MAB21L3: variants seen among roughly 807,000 people sequenced by gnomAD.
MAB21L3 encodes the protein mab-21 like 3, also known as protein mab-21-like 3.
MAB21L3 carries 36 observed loss-of-function variants against 37.7 expected under a neutral mutation model. That is an observed-to-expected ratio of 0.96 (90% CI 0.73 to 1.26). The LOEUF is 1.26. Among genes scored for constraint, MAB21L3 ranks in the 50% most tolerant of loss-of-function variants. The probability of loss-of-function intolerance (pLI) is 0.00; values close to 1 mark genes in which losing one functional copy is unlikely to be tolerated. For synonymous variants in MAB21L3, 186 were observed against 176.8 expected (o/e 1.05, Z -0.41); for missense variants, 430 against 447.3 (o/e 0.96, Z 0.35).
At chr1:116,117,048 A>G (rs1406779454) in intron 3 of MAB21L3, among the ~76,000 whole-genome samples, 1 of 151,790 alleles carries the variant, frequency 6.6e-6, no homozygotes, top group Non-Finnish European at 1.5e-5. Context: ...GCATACATAC[A>G]CACATGTACA....
chr1:116,112,562 GA>G lies in MAB21L3; in HGVS notation c.-41del, dbSNP rs374210490. 0.027 allele frequency: 32,877 copies of G among 1,237,806 alleles called. No homozygotes were observed. Among genetic ancestry groups the G allele is most frequent in the East Asian group, 0.03 (1,077 of 35,848 alleles). The allele number at this position is 1,237,806 out of a possible 1,614,324, so 76.7% of individuals were successfully genotyped here. The stretch of plus-strand genomic sequence containing the variant: ...ACTCACAAGTGTTGCACTCCATTGA[GA>G]AAAAAAAAAAAACCAGGAAGTTGCT... On this transcript the variant is annotated 5_prime_UTR_variant, in exon 3 of 8. Transcript: ENST00000369500.
At position 116,124,115 on chromosome 1, in the gene MAB21L3, C is replaced by G; in HGVS notation, c.239C>G (p.Ala80Gly). 6.2e-7 allele frequency: 1 copy of G among 1,613,534 alleles called. No individual in the cohort carries two copies. The highest frequency in any genetic ancestry group is 2.2e-5 in the East Asian group (1 of 44,858). Residue 80 changes from alanine to glycine, a missense_variant, in exon 5 of 8, where the codon GCC (alanine) becomes GGC (glycine). Coordinates refer to ENST00000369500, the MANE Select transcript of MAB21L3 (RefSeq NM_152367.3). ...GTCACAGTCCCAATAAAAGGCCTGG[C>G]CGGGTACAGGGAGGCCAGGGAGCAG... ...FLVTVPIKGL[A>G]GYREAREQHW...
rs199967538 is a variant in MAB21L3 at position 116,127,662 on chromosome 1, C to T, written c.660+18C>T. The T allele has an allele frequency of 3.4e-4, 536 of 1,598,906 alleles. No individual in the cohort carries two copies. Among genetic ancestry groups the T allele is most frequent in the Middle Eastern group, 6.1e-4 (3 of 4,924 alleles). On this transcript the variant is annotated intron_variant, in intron 6 of 7. Transcript: ENST00000369500. ...GCATCAAGGTATCAGTGGGCGGGAC[C>T]CAGCTTGCCAGAGCAGTGATGCCAA... is the stretch of plus-strand genomic sequence containing the variant.
rs1415008816 is a variant in MAB21L3, at chr1:116,124,208, A to C, written c.332A>C (p.Gln111Pro). The change falls in exon 5 of 8, where the codon CAG (glutamine) becomes CCG (proline). Residue 111 changes from glutamine to proline, a missense_variant. Physicochemically the swap from Gln to Pro is moderately conservative, Grantham distance 76 (BLOSUM62 -1). Coordinates refer to ENST00000369500, the MANE Select transcript of MAB21L3 (RefSeq NM_152367.3). Reference sequence around the variant, plus strand: ...CCGTTGCGGGACCCTGAGGGTCTGCAGCAGTGGCTGGAGGTGGAACAGTTT... The same window carrying C: ...CCGTTGCGGGACCCTGAGGGTCTGCCGCAGTGGCTGGAGGTGGAACAGTTT... The part of the protein sequence containing the change: ...PCPLRDPEGL[Q>P]QWLEVEQFMK... The C allele has an allele frequency of 6.2e-7, 1 of 1,614,140 alleles. No homozygotes were observed. Among genetic ancestry groups the C allele is most frequent in the Non-Finnish European group, 8.5e-7 (1 of 1,180,052 alleles).
At chr1:116,114,322 G>A (rs1209419757) in intron 3 of MAB21L3, among the ~76,000 whole-genome samples, 2 of 152,060 alleles carry the variant, frequency 1.3e-5, no homozygotes, top group Non-Finnish European at 2.9e-5. Flanking sequence ...TTTAGAGTTC[G>A]TTAAAGGCAA....
intron 6 of MAB21L3, 49 bp downstream of exon 6, chr1:116,127,693 T>C: frequency 7.1e-6 from 11 of 1,549,256 alleles, no homozygotes; most frequent in Non-Finnish European, 9.6e-6. Context: ...GCCAACAGCT[T>C]AACCAGTCAC....
chr1:116,129,546 G>A (rs1219202168), intron 7 of MAB21L3, among the ~76,000 whole-genome samples: 1 of 152,114 alleles, frequency 6.6e-6, no homozygotes, highest in East Asian at 1.9e-4. Flanking sequence ...TCTCTCATTC[G>A]ATGGACAAAA....
At chr1:116,129,794 C>T (rs1660018117) in intron 7 of MAB21L3, among the ~76,000 whole-genome samples, 1 of 152,118 alleles carries the variant, frequency 6.6e-6, no homozygotes, top group South Asian at 2.1e-4. Flanking sequence ...CTTTTTTTCG[C>T]ACAAAATCAC....
intron 6 of MAB21L3, among the ~76,000 whole-genome samples, chr1:116,127,856 C>G (rs1053621448): frequency 5.9e-5 from 9 of 152,224 alleles, no homozygotes; most frequent in African/African-American, 2.2e-4. Flanking sequence ...GAATGAGACC[C>G]TGTGAACAGG....
At chr1:116,120,792 G>T in intron 3 of MAB21L3, 140 bp from the exon 4 acceptor site, 7 of 1,002,708 alleles carry the variant, frequency 7.0e-6, no homozygotes, top group Non-Finnish European at 1.0e-5. Flanking sequence ...TCATCTCCCC[G>T]GCATCTTGGG....
At chr1:116,112,037 T>A (rs1230830519) in intron 2 of MAB21L3, among the ~76,000 whole-genome samples, 1 of 152,104 alleles carries the variant, frequency 6.6e-6, no homozygotes. Context: ...ATGATGGGTG[T>A]CAGGCTGGTT....
At chr1:116,114,540 C>T (rs1659516559) in intron 3 of MAB21L3, among the ~76,000 whole-genome samples, 1 of 152,204 alleles carries the variant, frequency 6.6e-6, no homozygotes, top group Non-Finnish European at 1.5e-5. Context: ...CGAACGTCCT[C>T]TGCCAAACTC....
At chr1:116,122,558 T>C (rs1190106603) in intron 4 of MAB21L3, among the ~76,000 whole-genome samples, 2 of 152,230 alleles carry the variant, frequency 1.3e-5, no homozygotes, top group African/African-American at 4.8e-5. Context: ...TTGTTTGTTT[T>C]GCTTTTTTGC....
intron 3 of MAB21L3, among the ~76,000 whole-genome samples, chr1:116,117,495 CTTT>C (rs946736415): frequency 6.6e-6 from 1 of 152,032 alleles, no homozygotes; most frequent in Non-Finnish European, 1.5e-5. Context: ...CCCTCTGTTG[CTTT>C]TTTATCTTTA....
intron 3 of MAB21L3, among the ~76,000 whole-genome samples, chr1:116,118,948 A>G (rs967081598): frequency 5.3e-5 from 8 of 152,206 alleles, no homozygotes; most frequent in African/African-American, 1.9e-4. Context: ...CAGTGATTTT[A>G]ATTTCCAGGT....
intron 3 of MAB21L3, among the ~76,000 whole-genome samples, chr1:116,119,025 A>C (rs574173007): frequency 9.8e-5 from 15 of 152,384 alleles, no homozygotes; most frequent in Non-Finnish European, 2.2e-4. Flanking sequence ...AGCACAGCAT[A>C]AAATGGATGT....
intron 3 of MAB21L3, among the ~76,000 whole-genome samples, chr1:116,117,470 A>C (rs988652902): frequency 2.0e-5 from 3 of 152,080 alleles, no homozygotes; most frequent in African/African-American, 7.2e-5. Context: ...TGGAAGATAT[A>C]GCCCACTGCT....
chr1:116,134,347 G>A lies in MAB21L3; in HGVS notation c.*982G>A, dbSNP rs1660158472. 1 of 152,222 alleles carries A rather than the reference G, an allele frequency of 6.6e-6. No individual in the cohort carries two copies. The highest frequency in any genetic ancestry group is 2.4e-5 in the African/African-American group (1 of 41,440). 9.4% of individuals were successfully genotyped at this position (152,222 alleles called of 1,614,324 possible). On this transcript the variant is annotated 3_prime_UTR_variant, in exon 8 of 8. Coordinates refer to ENST00000369500, the MANE Select transcript of MAB21L3 (RefSeq NM_152367.3). ...CACAGCAAAGAGCAAAGTGGATGAG[G>A]ACCTCCCCCTGGGGATGCCACCTAA...
chr1:116,112,524 G>A lies in MAB21L3; in HGVS notation c.-92G>A, dbSNP rs1359955662. ...TTAGTACCCAGAGACTCACATTACT[G>A]GGAGTGCTATCTACTCACAAGTGTT... On this transcript the variant is annotated 5_prime_UTR_variant, in exon 3 of 8. Coordinates refer to ENST00000369500, the MANE Select transcript of MAB21L3 (RefSeq NM_152367.3). 3 of 1,135,350 alleles carry A rather than the reference G, an allele frequency of 2.6e-6. No individual in the cohort carries two copies. The highest frequency in any genetic ancestry group is 2.3e-5 in the East Asian group (1 of 42,612). The allele number at this position is 1,135,350 out of a possible 1,614,324, so 70.3% of individuals were successfully genotyped here. A position where few individuals can be genotyped will look rare whatever the true frequency, so the allele number is the denominator to read the frequency against.
Sources: gnomAD v4.1 joint callset for allele counts (sites outside exome capture counted in the v4.1 genomes callset) on GRCh38, gnomAD v4.1.1 for gene constraint, MANE v1.5 for transcripts, NCBI Gene and HGNC (gene_info 2026-07-23, HGNC 2026-07-21) for gene names.